Variants in TMEM230 observed in about 807,000 individuals in gnomAD.
TMEM230 encodes UPF0414 transmembrane protein C20orf30.
In TMEM230, 10 loss-of-function variants were observed where a neutral mutation model predicts 15.8. That is an observed-to-expected ratio of 0.63 (90% CI 0.39 to 1.07). TMEM230 has a LOEUF of 1.07. Ranked by LOEUF, TMEM230 falls within the 50% of genes least tolerant of loss-of-function variation. The pLI is 0.01. For synonymous variants in TMEM230, 67 were observed against 76.9 expected, an observed-to-expected ratio of 0.87 and a Z score of 0.68; for missense variants, 165 against 193.3, an observed-to-expected ratio of 0.85 and a Z score of 0.87.
intron 3 of TMEM230, among the ~76,000 whole-genome samples, chr20:5,078,964 T>A (rs1249948839): frequency 6.6e-6 from 1 of 152,180 alleles, no homozygotes; most frequent in Admixed American, 6.6e-5. Flanking sequence ...CTACATTTGT[T>A]AATTAGTTAT....
chr20:5,103,580 G>A (rs999065936), intron 4 of TMEM230, among the ~76,000 whole-genome samples: 8 of 151,250 alleles, frequency 5.3e-5, no homozygotes, highest in East Asian at 1.9e-4. Context: ...GCAGTGAGCC[G>A]AGATGGTGCC....
At chr20:5,060,606 G>A in the TMEM230 span, among the ~76,000 whole-genome samples, 1 of 152,062 alleles carries the variant, frequency 6.6e-6, no homozygotes, top group African/African-American at 2.4e-5. Context: ...CAAAGTGCTG[G>A]GATCACAGGT....
intron 4 of TMEM230, among the ~76,000 whole-genome samples, chr20:5,101,724 G>A (rs915094478): frequency 2.0e-5 from 3 of 152,132 alleles, no homozygotes; most frequent in Non-Finnish European, 2.9e-5. Context: ...CACTGCACCT[G>A]GCTGGCTGTG....
At chr20:5,065,700 G>A (rs541852957), downstream of TMEM230, among the ~76,000 whole-genome samples, 2 of 152,178 alleles carry the variant, frequency 1.3e-5, no homozygotes, top group African/African-American at 2.4e-5. Flanking sequence ...CCTGTCTAAC[G>A]CCTGGGCTCT....
At chr20:5,068,919 C>G in exon 4 of TMEM230, 1 of 374,132 alleles carries the variant, frequency 2.7e-6, no homozygotes, top group Non-Finnish European at 4.9e-6. Context: ...ATCCTCCTAC[C>G]CTCAGGAACA....
intron 3 of TMEM230, among the ~76,000 whole-genome samples, chr20:5,071,537 C>A (rs372196464): frequency 6.6e-6 from 1 of 151,054 alleles, no homozygotes; most frequent in East Asian, 2.0e-4. Context: ...GCAGGAGAAT[C>A]GCTTGAACCC....
At chr20:5,075,620 G>C (rs2088967144) in intron 3 of TMEM230, among the ~76,000 whole-genome samples, 2 of 151,988 alleles carry the variant, frequency 1.3e-5, no homozygotes, top group East Asian at 4.0e-4. Flanking sequence ...AGCTACTCGG[G>C]AGGATGAAGC....
At chr20:5,093,171 T>C (rs1232052208) in intron 3 of TMEM230, among the ~76,000 whole-genome samples, 1 of 152,170 alleles carries the variant, frequency 6.6e-6, no homozygotes, top group Non-Finnish European at 1.5e-5. Context: ...TAAAAATCAG[T>C]AGTGTTTCTA....
intron 4 of TMEM230, among the ~76,000 whole-genome samples, chr20:5,103,575 G>A (rs2089953516): frequency 6.6e-6 from 1 of 151,130 alleles, no homozygotes; most frequent in African/African-American, 2.4e-5. Flanking sequence ...AGGTTGCAGT[G>A]AGCCGAGATG....
chr20:5,109,705 G>A (rs1391899845), intron 2 of TMEM230, among the ~76,000 whole-genome samples: 1 of 152,176 alleles, frequency 6.6e-6, no homozygotes, highest in East Asian at 1.9e-4. Context: ...CTTGTAGAAT[G>A]ACAGTGAAGA....
chr20:5,077,555 T>C (rs1301666372), intron 3 of TMEM230, among the ~76,000 whole-genome samples: 16 of 131,830 alleles, frequency 1.2e-4, no homozygotes, highest in Non-Finnish European at 1.8e-4. Context: ...AAAAATTAAC[T>C]GGGCATGGTG....
chr20:5,068,347 C>T (rs2088713672), downstream of TMEM230: 1 of 152,196 alleles, frequency 6.6e-6, no homozygotes, highest in Non-Finnish European at 1.5e-5. Context: ...TGTTCTCACA[C>T]TGCTATGAAG....
At chr20:5,074,980 TG>T (rs543187870) in intron 3 of TMEM230, among the ~76,000 whole-genome samples, 4 of 151,346 alleles carry the variant, frequency 2.6e-5, no homozygotes, top group Non-Finnish European at 5.9e-5. Flanking sequence ...TAATGTTATA[TG>T]TTTTTTTACC....
chr20:5,107,199 C>T (rs1413811172), intron 3 of TMEM230, among the ~76,000 whole-genome samples: 2 of 152,128 alleles, frequency 1.3e-5, no homozygotes, highest in Admixed American at 6.5e-5. Context: ...CTACTTGGGA[C>T]GCTAAGCTGG....
chr20:5,081,860 TTTTC>T, intron 3 of TMEM230, among the ~76,000 whole-genome samples: 1 of 93,154 alleles, frequency 1.1e-5, no homozygotes, highest in South Asian at 6.2e-4. Flanking sequence ...AATTCACTGA[TTTTC>T]TTTTTTTTCT....
chr20:5,102,715 C>T (rs1437853768), intron 4 of TMEM230, among the ~76,000 whole-genome samples: 1 of 143,022 alleles, frequency 7.0e-6, no homozygotes, highest in Non-Finnish European at 1.5e-5. Context: ...AAAAAGAATA[C>T]TAATCCTACT....
intron 3 of TMEM230, among the ~76,000 whole-genome samples, 164 bp from the exon 3 acceptor site, chr20:5,106,474 G>A (rs1402930315): frequency 1.3e-5 from 2 of 152,136 alleles, no homozygotes; most frequent in African/African-American, 4.8e-5. Flanking sequence ...CGTGATCTTG[G>A]CTCACTGCAA....
chr20:5,106,122 C>T, intron 4 of TMEM230, 66 bp downstream of exon 3: 1 of 1,552,630 alleles, frequency 6.4e-7, no homozygotes, highest in African/African-American at 1.4e-5. Flanking sequence ...CACACACACG[C>T]ACACTAGAGC....
intron 3 of TMEM230, among the ~76,000 whole-genome samples, chr20:5,087,994 G>A (rs1480905895): frequency 5.3e-5 from 6 of 112,856 alleles, no homozygotes; most frequent in African/African-American, 1.9e-4. Flanking sequence ...CACCCAGCCA[G>A]GATATACCTA....
Sources: allele counts gnomAD v4.1 joint callset (sites outside exome capture counted in the v4.1 genomes callset), GRCh38; gene constraint gnomAD v4.1.1; transcripts MANE v1.5; gene names NCBI Gene and HGNC (gene_info 2026-07-23, HGNC 2026-07-21).